TTC39C: variants seen among roughly 807,000 people sequenced by gnomAD.
TTC39C encodes tetratricopeptide repeat domain 39C.
A neutral mutation model predicts 76.3 loss-of-function variants in TTC39C; 33 were observed. That is an observed-to-expected ratio of 0.43 (90% CI 0.33 to 0.58). TTC39C has a LOEUF of 0.58. Among genes scored for constraint, TTC39C ranks in the 20% least tolerant of loss-of-function variants. The probability of loss-of-function intolerance (pLI) is 0.04; values close to 1 mark genes in which losing one functional copy is unlikely to be tolerated. For missense variants in TTC39C, 595 were observed against 701.4 expected (o/e 0.85, Z 1.71); for synonymous variants, 254 against 260.6 (o/e 0.97, Z 0.24).
At chr18:24,125,371 T>C in intron 9 of TTC39C, 56 bp from the exon 10 acceptor site, 1 of 1,610,058 alleles carries the variant, frequency 6.2e-7, no homozygotes, top group East Asian at 2.2e-5. Flanking sequence ...TGAGGTATAT[T>C]TTTTATTTGA....
chr18:24,088,875 G>A (rs745394950), intron 6 of TTC39C, among the ~76,000 whole-genome samples: 5 of 152,168 alleles, frequency 3.3e-5, no homozygotes, highest in African/African-American at 9.7e-5. Flanking sequence ...TATCCCCGGC[G>A]TGCCTGTGTT....
chr18:24,075,546 T>G (rs2084293883), intron 4 of TTC39C, among the ~76,000 whole-genome samples: 1 of 151,844 alleles, frequency 6.6e-6, no homozygotes, highest in African/African-American at 2.4e-5. Flanking sequence ...CAGCCAGGCT[T>G]GGTGGCGTGT....
intron 4 of TTC39C, among the ~76,000 whole-genome samples, chr18:24,072,904 G>A (rs1447969172): frequency 1.3e-5 from 2 of 152,218 alleles, no homozygotes; most frequent in African/African-American, 4.8e-5. Context: ...CCTCAGATGA[G>A]ATTGTTTTCC....
At chr18:24,080,337 G>A (rs1257602200) in intron 4 of TTC39C, among the ~76,000 whole-genome samples, 3 of 152,144 alleles carry the variant, frequency 2.0e-5, no homozygotes, top group African/African-American at 7.2e-5. Context: ...TGCATGAAGG[G>A]CTTTATAGAA....
chr18:24,002,991 C>A (rs562427302), intron 1 of TTC39C, among the ~76,000 whole-genome samples: 11 of 152,244 alleles, frequency 7.2e-5, no homozygotes, highest in African/African-American at 1.9e-4. Context: ...TCCATCTGCC[C>A]ACAAATCTGA....
chr18:24,001,282 C>T lies in TTC39C; in HGVS notation c.-17+8244C>T, dbSNP rs540847390. Reference sequence around the variant, plus strand: ...CTTACCTGCCCAGGCCCCAGGTCAACCTGGCTTGGGTTCAGATAGAAACTG... The same window carrying T: ...CTTACCTGCCCAGGCCCCAGGTCAATCTGGCTTGGGTTCAGATAGAAACTG... On this transcript the variant is annotated intron_variant, in intron 1 of 13. Transcript: ENST00000304621. 1.1e-3 allele frequency among the ~76,000 whole-genome samples: 169 copies of T among 152,304 alleles called. 4 individuals are homozygous for T. In the South Asian group the frequency reaches 0.022, roughly 20 times the overall value.
At chr18:24,056,104 A>G (rs549269113) in intron 1 of TTC39C, among the ~76,000 whole-genome samples, 1 of 152,256 alleles carries the variant, frequency 6.6e-6, no homozygotes, top group South Asian at 2.1e-4. Flanking sequence ...TGCTAATTGT[A>G]CACAGTTAAC....
At chr18:24,093,047 T>G (rs2084545172) in intron 6 of TTC39C, among the ~76,000 whole-genome samples, 1 of 152,204 alleles carries the variant, frequency 6.6e-6, no homozygotes, top group South Asian at 2.1e-4. Context: ...TTCAAAAATA[T>G]GTATATTTTA....
At chr18:24,098,923 C>T (rs562847580) in intron 6 of TTC39C, among the ~76,000 whole-genome samples, 13 of 151,870 alleles carry the variant, frequency 8.6e-5, no homozygotes, top group African/African-American at 2.2e-4. Flanking sequence ...TGAGTCACTG[C>T]GCCCAGCCCA....
chr18:24,073,609 A>C (rs1250873388), intron 4 of TTC39C, among the ~76,000 whole-genome samples: 1 of 151,970 alleles, frequency 6.6e-6, no homozygotes, highest in Non-Finnish European at 1.5e-5. Context: ...TTGAGGTCCC[A>C]GGTTCAAGTG....
chr18:24,104,543 C>G (rs567159659), intron 6 of TTC39C, among the ~76,000 whole-genome samples: 2 of 152,166 alleles, frequency 1.3e-5, no homozygotes, highest in Admixed American at 6.6e-5. Flanking sequence ...GGACACTCTA[C>G]GTGAAGGGGT....
intron 1 of TTC39C, among the ~76,000 whole-genome samples, chr18:24,047,034 A>C (rs184981264): frequency 2.0e-5 from 3 of 152,016 alleles, no homozygotes; most frequent in Admixed American, 2.0e-4. Context: ...TGCCCTGCTC[A>C]GAACTTTAGT....
At chr18:24,080,181 T>C (rs1171794719) in intron 4 of TTC39C, among the ~76,000 whole-genome samples, 1 of 152,090 alleles carries the variant, frequency 6.6e-6, no homozygotes, top group African/African-American at 2.4e-5. Flanking sequence ...GGTAGACAAA[T>C]GCAAGGATTA....
At position 24,106,439 on chromosome 18, in the gene TTC39C, C is replaced by A. The variant is rs973173373; in HGVS notation, c.985-8115C>A. Among the ~76,000 whole-genome samples the A allele has an allele frequency of 2.2e-5, 3 of 135,348 alleles. No individual in the cohort carries two copies. The Admixed American group carries it at 2.3e-4, about 10-fold the overall frequency. 88.8% of individuals were successfully genotyped at this position (135,348 alleles called of 152,430 possible). A position where few individuals can be genotyped will look rare whatever the true frequency, so the allele number is the denominator to read the frequency against. On this transcript the variant is annotated intron_variant, in intron 6 of 13. Transcript: ENST00000317571. Reference sequence around the variant, plus strand: ...AATCAGTTAGCACTCTCAGGGGAGGCTGCAGGCGGGGTGGGTGGGAGGACT... The same window carrying A: ...AATCAGTTAGCACTCTCAGGGGAGGATGCAGGCGGGGTGGGTGGGAGGACT...
At chr18:24,045,699 G>C (rs1244246742) in intron 1 of TTC39C, among the ~76,000 whole-genome samples, 2 of 151,198 alleles carry the variant, frequency 1.3e-5, no homozygotes, top group Non-Finnish European at 2.9e-5. Context: ...ATTATATATT[G>C]GTGTTTTAAA....
chr18:24,040,001 G>A (rs1452872739), intron 1 of TTC39C, among the ~76,000 whole-genome samples: 1 of 152,128 alleles, frequency 6.6e-6, no homozygotes, highest in Non-Finnish European at 1.5e-5. Flanking sequence ...GTCATCAACT[G>A]GGAAATGTTA....
At position 24,080,634 on chromosome 18, in the gene TTC39C, T is replaced by C; in HGVS notation, c.510T>C (p.Asn170=). 1 of 1,613,840 alleles carries C rather than the reference T, an allele frequency of 6.2e-7. No homozygotes were observed. Among genetic ancestry groups the C allele is most frequent in the Non-Finnish European group, 8.5e-7 (1 of 1,179,884 alleles). Residue 170 remains asparagine, a synonymous_variant, in exon 5 of 14, where the codon AAT becomes AAC. Transcript: ENST00000317571. The part of the protein sequence containing the change: ...WILRKAWKIY[N]KCYLDINALQ... The stretch of plus-strand genomic sequence containing the variant: ...TTAGGAAAGCCTGGAAGATTTACAA[T>C]AAATGCTATCTGGACATCAATGCCC...
chr18:24,022,264 A>G (rs2083526087), intron 1 of TTC39C, among the ~76,000 whole-genome samples: 1 of 149,044 alleles, frequency 6.7e-6, no homozygotes, highest in South Asian at 2.4e-4. Flanking sequence ...TAGAGAACAC[A>G]TTCTTTTAAA....
chr18:24,113,226 T>C (rs2084839168), intron 6 of TTC39C: 1 of 248,594 alleles, frequency 4.0e-6, no homozygotes, highest in Non-Finnish European at 7.8e-6. Context: ...GCATGAACAG[T>C]TATTGATCCA....
Sources: allele counts gnomAD v4.1 joint callset (sites outside exome capture counted in the v4.1 genomes callset), GRCh38; gene constraint gnomAD v4.1.1; transcripts MANE v1.5; gene names NCBI Gene and HGNC (gene_info 2026-07-23, HGNC 2026-07-21).